NBAS: variants seen among roughly 807,000 people sequenced by gnomAD.
NBAS encodes NBAS subunit of NRZ tethering complex.
NBAS carries 219 observed loss-of-function variants against 302.5 expected under a neutral mutation model. The ratio of observed to expected loss-of-function variants is 0.72; its 90% confidence interval spans 0.65 to 0.81. The LOEUF (loss-of-function observed/expected upper bound fraction) is 0.81, where lower values mean the gene tolerates loss of function less well. Among genes scored for constraint, NBAS ranks in the 30% least tolerant of loss-of-function variants. NBAS has a pLI of 0.00. For synonymous variants in NBAS, 1,118 were observed against 1,021.6 expected, an observed-to-expected ratio of 1.09 and a Z score of -1.80; for missense variants, 2,932 against 2,841.6, an observed-to-expected ratio of 1.03 and a Z score of -0.72.
the NBAS span, among the ~76,000 whole-genome samples, chr2:14,956,040 T>A: frequency 6.6e-6 from 1 of 152,234 alleles, no homozygotes; most frequent in Non-Finnish European, 1.5e-5. Flanking sequence ...TGCTTCCTCT[T>A]GAATACTTTG....
chr2:15,017,796 G>A, the NBAS span, among the ~76,000 whole-genome samples: 4 of 151,934 alleles, frequency 2.6e-5, no homozygotes, highest in Non-Finnish European at 5.9e-5. Flanking sequence ...TCCACTACTG[G>A]GCATTTATCC....
At chr2:15,543,710 T>C (rs188719948) in intron 6 of NBAS, among the ~76,000 whole-genome samples, 34 of 152,182 alleles carry the variant, frequency 2.2e-4, no homozygotes, top group African/African-American at 7.9e-4. Context: ...ACAAGAACAA[T>C]ATGGGTGAAA....
chr2:15,529,783 T>C (rs1041027996), intron 9 of NBAS, among the ~76,000 whole-genome samples: 17 of 152,186 alleles, frequency 1.1e-4, no homozygotes, highest in African/African-American at 4.1e-4. Flanking sequence ...TGAAGCTAGG[T>C]GCAGAAAATA....
the NBAS span, among the ~76,000 whole-genome samples, chr2:14,972,731 A>G: frequency 2.6e-5 from 4 of 152,200 alleles, no homozygotes; most frequent in Non-Finnish European, 5.9e-5. Flanking sequence ...GTCTGAAAGT[A>G]GCCTTCAAAC....
At chr2:14,878,746 A>G in the NBAS span, among the ~76,000 whole-genome samples, 1 of 152,162 alleles carries the variant, frequency 6.6e-6, no homozygotes, top group African/African-American at 2.4e-5. Flanking sequence ...CTCCCCAACT[A>G]TCAACATCCC....
the NBAS span, among the ~76,000 whole-genome samples, chr2:15,116,485 G>C: frequency 1.9e-5 from 1 of 51,898 alleles, no homozygotes; most frequent in Non-Finnish European, 8.5e-5. Flanking sequence ...CAACCCTATC[G>C]GATTAGGGAT....
At chr2:14,800,484 G>A in the NBAS span, among the ~76,000 whole-genome samples, 1 of 152,148 alleles carries the variant, frequency 6.6e-6, no homozygotes, top group Non-Finnish European at 1.5e-5. Context: ...CCAGTCTCAG[G>A]TATGTCTTTA....
At chr2:14,869,884 T>C in the NBAS span, among the ~76,000 whole-genome samples, 1 of 152,224 alleles carries the variant, frequency 6.6e-6, no homozygotes, top group Admixed American at 6.5e-5. Flanking sequence ...AGGATGCTAA[T>C]TCCTTTCCTT....
At chr2:14,782,684 T>C in the NBAS span, among the ~76,000 whole-genome samples, 1 of 152,022 alleles carries the variant, frequency 6.6e-6, no homozygotes, top group Non-Finnish European at 1.5e-5. Flanking sequence ...CTATTCACAA[T>C]AGCAAAGACA....
chr2:14,894,902 A>T, the NBAS span, among the ~76,000 whole-genome samples: 1 of 152,112 alleles, frequency 6.6e-6, no homozygotes, highest in Non-Finnish European at 1.5e-5. Context: ...ACCAAAAAAT[A>T]CAAAAATTAG....
intron 3 of NBAS, 96 bp downstream of exon 3, chr2:15,556,687 A>C: frequency 8.4e-7 from 1 of 1,189,418 alleles, no homozygotes; most frequent in Non-Finnish European, 1.2e-6. Context: ...CAACTTTATC[A>C]TGATCTAGAA....
At chr2:15,385,906 T>C (rs1675268050) in intron 28 of NBAS, among the ~76,000 whole-genome samples, 1 of 151,942 alleles carries the variant, frequency 6.6e-6, no homozygotes, top group Non-Finnish European at 1.5e-5. Flanking sequence ...TTGGGGGAGA[T>C]GGGGTGGTAG....
At chr2:14,977,170 T>TA in the NBAS span, among the ~76,000 whole-genome samples, 11 of 151,896 alleles carry the variant, frequency 7.2e-5, no homozygotes, top group Non-Finnish European at 1.5e-4. Flanking sequence ...AAATTAAAAG[T>TA]AAAAAAATGC....
At chr2:14,854,498 T>C in the NBAS span, among the ~76,000 whole-genome samples, 691 of 151,914 alleles carry the variant, frequency 4.5e-3, 6 homozygotes, top group African/African-American at 0.016. Context: ...TAGCACCTGC[T>C]TGTAACTTCA....
At chr2:15,560,216 A>G (rs1664846156) in intron 1 of NBAS, among the ~76,000 whole-genome samples, 1 of 152,156 alleles carries the variant, frequency 6.6e-6, no homozygotes, top group Non-Finnish European at 1.5e-5. Context: ...AGCACTCAAT[A>G]AATATCTGTT....
At chr2:15,098,423 TTA>T in the NBAS span, among the ~76,000 whole-genome samples, 8 of 52,642 alleles carry the variant, frequency 1.5e-4, no homozygotes, top group Non-Finnish European at 7.5e-5. Flanking sequence ...ATATTGTATA[TTA>T]TATATTATAT....
At chr2:14,842,215 T>C in the NBAS span, among the ~76,000 whole-genome samples, 2 of 151,786 alleles carry the variant, frequency 1.3e-5, no homozygotes, top group South Asian at 2.1e-4. Context: ...GAAATAAGTG[T>C]CTATATCAAA....
the NBAS span, among the ~76,000 whole-genome samples, chr2:14,929,973 G>A: frequency 2.0e-5 from 3 of 152,160 alleles, no homozygotes; most frequent in Non-Finnish European, 4.4e-5. Flanking sequence ...AAAGTGTGTA[G>A]CACTTTCCCC....
chr2:15,362,315 C>CA (rs951972841), intron 32 of NBAS, among the ~76,000 whole-genome samples: 6,288 of 110,146 alleles, frequency 0.057, 299 homozygotes, highest in African/African-American at 0.15. Flanking sequence ...TCATCTCTAC[C>CA]AAAAAAAAAA....
Sources: allele counts gnomAD v4.1 joint callset (sites outside exome capture counted in the v4.1 genomes callset), GRCh38; gene constraint gnomAD v4.1.1; transcripts MANE v1.5; gene names NCBI Gene and HGNC (gene_info 2026-07-23, HGNC 2026-07-21).